MTHFD2L: variants seen among roughly 807,000 people sequenced by gnomAD.
MTHFD2L encodes the protein bifunctional methylenetetrahydrofolate dehydrogenase/cyclohydrolase 2, mitochondrial.
MTHFD2L carries 29 observed loss-of-function variants against 34.9 expected under a neutral mutation model. The ratio of observed to expected loss-of-function variants is 0.83; its 90% confidence interval spans 0.62 to 1.13. The LOEUF (loss-of-function observed/expected upper bound fraction) is 1.13. Among genes scored for constraint, MTHFD2L ranks in the 50% most tolerant of loss-of-function variants. MTHFD2L has a pLI of 0.00. For missense variants in MTHFD2L, 481 were observed against 446.5 expected (o/e 1.08, Z -0.70); for synonymous variants, 167 against 155.7 (o/e 1.07, Z -0.54).
chr4:74,292,226 A>C (rs1749052431), intron 7 of MTHFD2L, among the ~76,000 whole-genome samples: 1 of 152,194 alleles, frequency 6.6e-6, no homozygotes, highest in Non-Finnish European at 1.5e-5. Flanking sequence ...AATCAAATCA[A>C]CTTCTAGAGA....
intron 1 of MTHFD2L, chr4:74,143,465 A>T: frequency 1.0e-6 from 1 of 984,908 alleles, no homozygotes. Context: ...AGGGTCCTAG[A>T]GGGTATGTGG....
At chr4:74,160,145 A>G (rs1194948852) in intron 1 of MTHFD2L, 3 of 1,184,048 alleles carry the variant, frequency 2.5e-6, no homozygotes. Flanking sequence ...TTTTATATAT[A>G]TAATGACACA....
intron 7 of MTHFD2L, among the ~76,000 whole-genome samples, chr4:74,286,567 G>T (rs548326315): frequency 2.0e-5 from 3 of 152,034 alleles, no homozygotes; most frequent in Non-Finnish European, 2.9e-5. Context: ...TAATTATACC[G>T]TTCTTAATTC....
intron 6 of MTHFD2L, among the ~76,000 whole-genome samples, chr4:74,235,582 T>A (rs538080973): frequency 1.5e-3 from 226 of 152,262 alleles, no homozygotes; most frequent in Middle Eastern, 6.8e-3. Context: ...GTCATTAATA[T>A]CAGGGATATT....
At position 74,225,294 on chromosome 4, in the gene MTHFD2L, T is replaced by C. The variant is rs1738961079; in HGVS notation, c.713-8T>C. 1 of 1,606,796 alleles carries C rather than the reference T, an allele frequency of 6.2e-7. No individual in the cohort carries two copies. The highest frequency in any genetic ancestry group is 8.5e-7 in the Non-Finnish European group (1 of 1,175,456). ...GTAATCACTGATAGAAATTCTTCTG[T>C]ATTCCAGGTGATGCAACTGTGACAA... On this transcript the variant is annotated splice_polypyrimidine_tract_variant and splice_region_variant and intron_variant, in intron 5 of 7. Coordinates refer to ENST00000325278, the MANE Select transcript of MTHFD2L (RefSeq NM_001144978.3).
intron 6 of MTHFD2L, among the ~76,000 whole-genome samples, chr4:74,237,918 TG>T (rs1741087731): frequency 6.6e-6 from 1 of 152,316 alleles, no homozygotes; most frequent in Non-Finnish European, 1.5e-5. Flanking sequence ...CTTTCTACTG[TG>T]GGTAGGAATA....
chr4:74,250,652 A>T (rs1743176531), intron 6 of MTHFD2L, among the ~76,000 whole-genome samples: 1 of 152,210 alleles, frequency 6.6e-6, no homozygotes, highest in Non-Finnish European at 1.5e-5. Context: ...CCTCTTAATT[A>T]TGCCTTGCAC....
At chr4:74,283,833 G>A (rs1710300900) in intron 7 of MTHFD2L, among the ~76,000 whole-genome samples, 1 of 152,118 alleles carries the variant, frequency 6.6e-6, no homozygotes, top group African/African-American at 2.4e-5. Context: ...CCACCCACAG[G>A]AGCAGGCAAG....
chr4:74,281,399 G>T, intron 6 of MTHFD2L, 26 bp from the exon 7 acceptor site: 1 of 1,598,026 alleles, frequency 6.3e-7, no homozygotes, highest in Non-Finnish European at 8.5e-7. Context: ...TTATGCTGAA[G>T]GACAAACAAC....
At chr4:74,147,791 T>A (rs1373534773) in intron 1 of MTHFD2L, among the ~76,000 whole-genome samples, 1 of 152,246 alleles carries the variant, frequency 6.6e-6, no homozygotes, top group Non-Finnish European at 1.5e-5. Context: ...ATGTTGAGCA[T>A]CTTTTTTTTA....
At chr4:74,253,310 T>G (rs974186205) in intron 6 of MTHFD2L, among the ~76,000 whole-genome samples, 4 of 152,162 alleles carry the variant, frequency 2.6e-5, no homozygotes, top group Admixed American at 2.0e-4. Flanking sequence ...TGGGGTGACA[T>G]CTGCAAGATT....
chr4:74,117,318 G>C (rs1721670672), intron 2 of MTHFD2L, among the ~76,000 whole-genome samples: 1 of 152,170 alleles, frequency 6.6e-6, no homozygotes, highest in African/African-American at 2.4e-5. Flanking sequence ...GATTTTTCTT[G>C]AGTGTTTACT....
chr4:74,239,209 G>A (rs1024512061), intron 6 of MTHFD2L, among the ~76,000 whole-genome samples: 62 of 152,118 alleles, frequency 4.1e-4, no homozygotes, highest in African/African-American at 1.3e-3. Context: ...GCTGGAAACC[G>A]TCATTCTGAG....
intron 1 of MTHFD2L, among the ~76,000 whole-genome samples, chr4:74,148,317 C>CA: frequency 6.7e-6 from 1 of 148,616 alleles, no homozygotes; most frequent in African/African-American, 2.5e-5. Flanking sequence ...ATTTGTGGTC[C>CA]CCCCCTTTTT....
chr4:74,143,191 G>A (rs1426963546), intron 1 of MTHFD2L, among the ~76,000 whole-genome samples: 1 of 151,742 alleles, frequency 6.6e-6, no homozygotes, highest in Non-Finnish European at 1.5e-5. Flanking sequence ...AGTAAGTTGG[G>A]AAAGAATGTA....
At position 74,284,489 on chromosome 4, in the gene MTHFD2L, T is replaced by A. The variant is rs141998120; in HGVS notation, c.931+2939T>A. Among the ~76,000 whole-genome samples the A allele has an allele frequency of 2.5e-3, 384 of 152,228 alleles. 3 individuals carry two copies. The highest frequency in any genetic ancestry group is 8.9e-3 in the African/African-American group (368 of 41,562). On this transcript the variant is annotated intron_variant, in intron 7 of 7. Transcript: ENST00000325278. ...TGCATAAATGTCTTCTTTTGAGAAG[T>A]GTCCGTTAATATCCTTCGCCCACTT...
intron 6 of MTHFD2L, among the ~76,000 whole-genome samples, chr4:74,260,207 C>T (rs766389922): frequency 2.6e-5 from 4 of 152,186 alleles, no homozygotes; most frequent in Non-Finnish European, 5.9e-5. Context: ...GTCTGTTTTA[C>T]TCACCACTTC....
At chr4:74,265,389 G>T (rs1044609599) in intron 6 of MTHFD2L, among the ~76,000 whole-genome samples, 4 of 152,170 alleles carry the variant, frequency 2.6e-5, no homozygotes. Context: ...GGCAGAAATG[G>T]CAGAGGGTAA....
At chr4:74,129,371 A>ACTCTTGGACC (rs1460321247) in intron 1 of MTHFD2L, among the ~76,000 whole-genome samples, 1 of 152,194 alleles carries the variant, frequency 6.6e-6, no homozygotes, top group Non-Finnish European at 1.5e-5. Context: ...AATGCAAAAG[A>ACTCTTGGACC]ACAGTAATCA....
Sources: allele counts gnomAD v4.1 joint callset (sites outside exome capture counted in the v4.1 genomes callset), GRCh38; gene constraint gnomAD v4.1.1; transcripts MANE v1.5; gene names NCBI Gene and HGNC (gene_info 2026-07-23, HGNC 2026-07-21).